PIGU: variants seen among roughly 807,000 people sequenced by gnomAD.
PIGU encodes GPI-anchor transamidase component PIGU.
Under a neutral mutation model 49.9 loss-of-function variants are expected in PIGU, and 24 were observed. The observed-to-expected ratio is 0.48, with a 90% CI of 0.35 to 0.68. The LOEUF is 0.68. Ranked by LOEUF, PIGU falls within the 30% of genes least tolerant of loss-of-function variation. The pLI, the probability that PIGU is intolerant of heterozygous loss-of-function variation, is 0.01. For synonymous variants in PIGU, 220 were observed against 205.7 expected, an observed-to-expected ratio of 1.07 and a Z score of -0.59; for missense variants, 490 against 532.6, an observed-to-expected ratio of 0.92 and a Z score of 0.79.
chr20:34,630,725 C>T (rs1249523929), intron 6 of PIGU, among the ~76,000 whole-genome samples: 1 of 152,084 alleles, frequency 6.6e-6, no homozygotes, highest in Admixed American at 6.5e-5. Context: ...TAGCTCACTG[C>T]AGCCTCAAAC....
Position 34,650,700 on chromosome 20 carries a change from C to CTTTTTTTTTTTTTTTTTTTTTTTTTT in PIGU, c.196-5392_196-5367dup, listed in dbSNP as rs59998699. Among the ~76,000 whole-genome samples the CTTTTTTTTTTTTTTTTTTTTTTTTTT allele has an allele frequency of 1.6e-3, 61 of 38,796 alleles. 11 individuals carry two copies. Among genetic ancestry groups the CTTTTTTTTTTTTTTTTTTTTTTTTTT allele is most frequent in the African/African-American group, 2.3e-3 (20 of 8,612 alleles). The allele number at this position is 38,796 out of a possible 152,430, so 25.5% of individuals were successfully genotyped here. The stretch of plus-strand genomic sequence containing the variant: ...AATTTTTTTCCTTTTCTTTTTTTCT[C>CTTTTTTTTTTTTTTTTTTTTTTTTTT]TTTTTTTTTTTTTTTTTTTTTTTTT... On this transcript the variant is annotated intron_variant, in intron 2 of 11. Coordinates refer to ENST00000217446, the MANE Select transcript of PIGU (RefSeq NM_080476.5).
chr20:34,581,147 G>C (rs1983444024), intron 10 of PIGU, among the ~76,000 whole-genome samples: 1 of 152,202 alleles, frequency 6.6e-6, no homozygotes, highest in Admixed American at 6.5e-5. Context: ...GCACTGGGTA[G>C]GGGTTCACAG....
intron 6 of PIGU, among the ~76,000 whole-genome samples, chr20:34,625,856 G>A (rs1462636978): frequency 6.6e-6 from 1 of 151,068 alleles, no homozygotes; most frequent in African/African-American, 2.4e-5. Context: ...GTTACAGTGA[G>A]CTATGACTGT....
chr20:34,642,323 T>C (rs1185394459), intron 4 of PIGU, among the ~76,000 whole-genome samples: 2 of 152,154 alleles, frequency 1.3e-5, no homozygotes, highest in Non-Finnish European at 2.9e-5. Context: ...CATCCACCTG[T>C]CTCAGTCTCC....
Position 34,645,341 on chromosome 20 carries a change from A to G in PIGU, c.196-7T>C, listed in dbSNP as rs754073928. ...GGTATATTATTAATGGAGTCTGCAG[A>G]AAAAAAACAGACATGTAAAAAAAAT... On this transcript the variant is annotated splice_region_variant and splice_polypyrimidine_tract_variant and intron_variant, in intron 2 of 11. Coordinates refer to ENST00000217446, the MANE Select transcript of PIGU (RefSeq NM_080476.5). 3 of 1,557,996 alleles carry G rather than the reference A, an allele frequency of 1.9e-6. No individual in the cohort carries two copies. Among genetic ancestry groups the G allele is most frequent in the South Asian group, 2.5e-5 (2 of 81,002 alleles).
chr20:34,617,223 A>C (rs1018825598), intron 6 of PIGU, among the ~76,000 whole-genome samples: 18 of 152,184 alleles, frequency 1.2e-4, no homozygotes, highest in African/African-American at 4.3e-4. Flanking sequence ...AGCTGAGAAG[A>C]GGGTCACTGT....
At position 34,584,594 on chromosome 20, in the gene PIGU, C is replaced by T. The variant is rs563975212; in HGVS notation, c.926+843G>A. On this transcript the variant is annotated intron_variant, in intron 9 of 11. Coordinates refer to ENST00000217446, the MANE Select transcript of PIGU (RefSeq NM_080476.5). The stretch of plus-strand genomic sequence containing the variant: ...TGGCACAAGCAGCTCGCTGAAGCCT[C>T]AAACTCCCGGGCTCAAGTCATCCTC... 1.4e-3 allele frequency among the ~76,000 whole-genome samples: 209 copies of T among 147,368 alleles called. 1 individual carries two copies. The highest frequency in any genetic ancestry group is 3.5e-3 in the Middle Eastern group (1 of 284).
chr20:34,642,652 C>CATATATATATAT (rs10639203), intron 4 of PIGU, among the ~76,000 whole-genome samples: 1 of 131,434 alleles, frequency 7.6e-6, no homozygotes, highest in Non-Finnish European at 1.6e-5. Flanking sequence ...ATATATATCT[C>CATATATATATAT]ATATATATAT....
intron 6 of PIGU, among the ~76,000 whole-genome samples, chr20:34,620,198 A>G (rs1344241589): frequency 6.6e-6 from 1 of 152,174 alleles, no homozygotes; most frequent in East Asian, 1.9e-4. Flanking sequence ...AAGACCCTTC[A>G]CCACTGGGTC....
At chr20:34,637,143 A>C (rs191362918) in intron 5 of PIGU, among the ~76,000 whole-genome samples, 18 of 152,350 alleles carry the variant, frequency 1.2e-4, no homozygotes, top group African/African-American at 4.3e-4. Flanking sequence ...TCCACACACA[A>C]GGCAGAAGGT....
chr20:34,595,257 T>C, intron 7 of PIGU, among the ~76,000 whole-genome samples: 1 of 152,124 alleles, frequency 6.6e-6, no homozygotes, highest in East Asian at 1.9e-4. Context: ...CAACTAAGGA[T>C]AGGAAATATT....
intron 10 of PIGU, among the ~76,000 whole-genome samples, chr20:34,581,315 T>C (rs528232077): frequency 6.6e-6 from 1 of 152,290 alleles, no homozygotes; most frequent in Admixed American, 6.5e-5. Flanking sequence ...CATGTAACAC[T>C]GTGAGAGCCA....
intron 7 of PIGU, among the ~76,000 whole-genome samples, chr20:34,604,410 T>C (rs1297119781): frequency 3.3e-5 from 5 of 152,186 alleles, no homozygotes; most frequent in Non-Finnish European, 5.9e-5. Context: ...AACCTAACAA[T>C]GTTTTTACAT....
At chr20:34,573,241 G>C (rs770853515) in intron 11 of PIGU, among the ~76,000 whole-genome samples, 5 of 152,082 alleles carry the variant, frequency 3.3e-5, no homozygotes, top group Non-Finnish European at 7.4e-5. Context: ...ATTTTAAAAA[G>C]AGATTAAGAA....
At position 34,584,806 on chromosome 20, in the gene PIGU, G is replaced by C. The variant is rs984233757; in HGVS notation, c.926+631C>G. 2.0e-5 allele frequency among the ~76,000 whole-genome samples: 3 copies of C among 151,780 alleles called. No homozygotes were observed. In the South Asian group the frequency reaches 6.2e-4, roughly 32 times the overall value. On this transcript the variant is annotated intron_variant, in intron 9 of 11. Coordinates refer to ENST00000217446, the MANE Select transcript of PIGU (RefSeq NM_080476.5). The stretch of plus-strand genomic sequence containing the variant: ...GGGTTCAAGCAATTCTCCTGTCTGA[G>C]CTTCCAGAGTAGCTGGGACTATAGG...
intron 11 of PIGU, among the ~76,000 whole-genome samples, chr20:34,570,453 C>T (rs535506027): frequency 9.9e-5 from 15 of 151,884 alleles, no homozygotes; most frequent in African/African-American, 3.4e-4. Context: ...CTCGCTCTGT[C>T]GCCCAGGCTG....
intron 11 of PIGU, among the ~76,000 whole-genome samples, chr20:34,574,220 A>T (rs1013538358): frequency 6.6e-6 from 1 of 152,218 alleles, no homozygotes; most frequent in Non-Finnish European, 1.5e-5. Context: ...GAGTCCACCT[A>T]GAGTTTGCTA....
intron 6 of PIGU, among the ~76,000 whole-genome samples, chr20:34,625,368 CA>C (rs745930230): frequency 0.015 from 1,214 of 80,528 alleles, 2 homozygotes; most frequent in South Asian, 0.088. Context: ...AACTCCATCT[CA>C]AAAAAAAAAA....
At chr20:34,607,433 C>T (rs573708604) in intron 7 of PIGU, among the ~76,000 whole-genome samples, 84 of 152,308 alleles carry the variant, frequency 5.5e-4, no homozygotes, top group African/African-American at 1.8e-3. Flanking sequence ...TGATTTCAGA[C>T]GGACACCTTG....
Sources: gnomAD v4.1 joint callset for allele counts (sites outside exome capture counted in the v4.1 genomes callset) on GRCh38, gnomAD v4.1.1 for gene constraint, MANE v1.5 for transcripts, NCBI Gene and HGNC (gene_info 2026-07-23, HGNC 2026-07-21) for gene names.